Variants in CACNB4 observed in about 807,000 individuals in gnomAD.
The protein encoded by CACNB4 is voltage-dependent L-type calcium channel subunit beta-4.
CACNB4 carries 32 observed loss-of-function variants against 71.2 expected under a neutral mutation model. The observed-to-expected ratio is 0.45, with a 90% CI of 0.34 to 0.60. The LOEUF is 0.60. Ranked by LOEUF, CACNB4 falls within the 20% of genes least tolerant of loss-of-function variation. The probability of loss-of-function intolerance (pLI) is 0.01; values close to 1 mark genes in which losing one functional copy is unlikely to be tolerated. For missense variants in CACNB4, 464 were observed against 647.9 expected, an observed-to-expected ratio of 0.72 and a Z score of 3.08; for synonymous variants, 231 against 236.9, an observed-to-expected ratio of 0.97 and a Z score of 0.23.
At chr2:151,859,304 C>T (rs1435531617) in intron 10 of CACNB4, 1 of 152,198 alleles carries the variant, frequency 6.6e-6, no homozygotes, top group Non-Finnish European at 1.5e-5. Context: ...TCAGTGAATA[C>T]ACATGAAGCC....
chr2:152,014,383 C>A (rs879533728), intron 2 of CACNB4, among the ~76,000 whole-genome samples: 1 of 151,606 alleles, frequency 6.6e-6, no homozygotes, highest in Non-Finnish European at 1.5e-5. Context: ...TGGTCCAGTA[C>A]AGGCCTCTTT....
intron 8 of CACNB4, 40 bp from the exon 9 acceptor site, chr2:151,869,275 G>A (rs750632895): frequency 2.4e-6 from 3 of 1,224,890 alleles, no homozygotes. Context: ...GCAAACACAT[G>A]CAGAGAGAGA....
intron 2 of CACNB4, among the ~76,000 whole-genome samples, chr2:152,038,523 G>A (rs938168440): frequency 1.3e-5 from 2 of 152,198 alleles, no homozygotes; most frequent in African/African-American, 4.8e-5. Flanking sequence ...GCTGGGAGAT[G>A]GAAGAGGATA....
intron 2 of CACNB4, among the ~76,000 whole-genome samples, chr2:152,075,055 C>T (rs1486600343): frequency 7.2e-5 from 11 of 152,144 alleles, no homozygotes; most frequent in Admixed American, 7.2e-4. Flanking sequence ...TTATGGCCAC[C>T]ACCCTGCTTG....
intron 2 of CACNB4, among the ~76,000 whole-genome samples, chr2:152,062,297 G>A (rs1345802938): frequency 6.6e-6 from 1 of 152,036 alleles, no homozygotes; most frequent in Non-Finnish European, 1.5e-5. Flanking sequence ...AGCAAAGACT[G>A]TGAACATCCC....
In CACNB4 at chr2:152,098,564, GC is replaced by G; in HGVS notation, c.64-152del. The G allele has an allele frequency of 1.1e-6, 1 of 931,268 alleles. No homozygotes were observed. Among genetic ancestry groups the G allele is most frequent in the Non-Finnish European group, 1.7e-6 (1 of 583,194 alleles). 57.7% of individuals were successfully genotyped at this position (931,268 alleles called of 1,614,324 possible). On this transcript the variant is annotated intron_variant, in intron 1 of 13. Transcript: ENST00000539935. The surrounding 1 kb of genome is among the most constrained non-coding windows in gnomAD (Gnocchi z 5.3). Reference sequence around the variant, plus strand: ...GTCTCCTCCGCGACTCCCAAATACAGCCCCCACCCCCACCCACCCACTGCAA... The same window carrying G: ...GTCTCCTCCGCGACTCCCAAATACAGCCCCACCCCCACCCACCCACTGCAA...
At chr2:151,987,747 C>T (rs1681452654) in intron 2 of CACNB4, among the ~76,000 whole-genome samples, 1 of 152,162 alleles carries the variant, frequency 6.6e-6, no homozygotes, top group East Asian at 1.9e-4. Context: ...ATTACACATG[C>T]TGCTAACTCA....
chr2:152,085,621 C>T (rs566090556), intron 2 of CACNB4, among the ~76,000 whole-genome samples: 1 of 152,162 alleles, frequency 6.6e-6, no homozygotes, highest in South Asian at 2.1e-4. Context: ...TCAGCTTGTT[C>T]CCTTCTCAGC....
intron 2 of CACNB4, among the ~76,000 whole-genome samples, chr2:152,023,115 T>G (rs1579148159): frequency 1.2e-4 from 16 of 133,020 alleles, no homozygotes; most frequent in Middle Eastern, 3.7e-3. Flanking sequence ...CATGAGGGGG[T>G]GAGAGAAAGG....
intron 2 of CACNB4, among the ~76,000 whole-genome samples, chr2:151,986,012 A>G (rs116556562): frequency 1.3e-5 from 2 of 152,344 alleles, no homozygotes; most frequent in Non-Finnish European, 2.9e-5. Context: ...GAGACGACTG[A>G]GCTAAGACTA....
intron 2 of CACNB4, among the ~76,000 whole-genome samples, chr2:152,091,736 G>A (rs1174600615): frequency 1.3e-5 from 2 of 152,192 alleles, no homozygotes; most frequent in Non-Finnish European, 2.9e-5. Context: ...ATCTCAGAGG[G>A]CCACTGCCTG....
At chr2:151,981,706 C>T (rs1426702055) in intron 2 of CACNB4, among the ~76,000 whole-genome samples, 4 of 152,166 alleles carry the variant, frequency 2.6e-5, no homozygotes, top group African/African-American at 7.2e-5. Context: ...ATATACCCCT[C>T]TTTTGATGCA....
chr2:151,973,252 A>C (rs143593081), intron 2 of CACNB4: 110 of 160,430 alleles, frequency 6.9e-4, no homozygotes, highest in African/African-American at 2.4e-3. Context: ...CAGCTTAGGA[A>C]CTTCCATTCA....
At chr2:152,094,195 G>T (rs887735547) in intron 2 of CACNB4, among the ~76,000 whole-genome samples, 18 of 152,198 alleles carry the variant, frequency 1.2e-4, no homozygotes, top group African/African-American at 2.7e-4. Context: ...GACTTTATCA[G>T]GAAGGTTAGA....
rs746365832 is a variant in CACNB4 at position 151,855,212 on chromosome 2, G to A, written c.1020+12C>T. ...GCACTTCTAAACCTTAAGGCAGAAA[G>A]GAGCTAATTACCTTTGGAGATGAGA... is the stretch of plus-strand genomic sequence containing the variant. On this transcript the variant is annotated intron_variant, in intron 11 of 13. Coordinates refer to ENST00000539935, the MANE Select transcript of CACNB4 (RefSeq NM_000726.5). The A allele has an allele frequency of 4.0e-6, 6 of 1,516,258 alleles. No individual in the cohort carries two copies. The Admixed American group carries it at 5.3e-5, about 13-fold the overall frequency. 93.9% of individuals were successfully genotyped at this position (1,516,258 alleles called of 1,614,324 possible).
In CACNB4 at chr2:152,026,622, T is replaced by G. The variant is rs184781578; in HGVS notation, c.147+71708A>C. 8.7e-3 allele frequency among the ~76,000 whole-genome samples: 1,320 copies of G among 152,270 alleles called. 10 individuals are homozygous for G. Among genetic ancestry groups the G allele is most frequent in the Middle Eastern group, 0.027 (8 of 294 alleles). ...CTCGAACTCCTGACCTCAGGTGATC[T>G]GCCTGCCTCGGCCTCCCAAAGTGCT... On this transcript the variant is annotated intron_variant, in intron 2 of 13. Coordinates refer to ENST00000539935, the MANE Select transcript of CACNB4 (RefSeq NM_000726.5).
At chr2:152,084,044 G>A (rs975361944) in intron 2 of CACNB4, among the ~76,000 whole-genome samples, 1 of 152,206 alleles carries the variant, frequency 6.6e-6, no homozygotes, top group Non-Finnish European at 1.5e-5. Context: ...TGGCGTAACT[G>A]AGCCTAAAAG....
chr2:152,058,890 T>C (rs554951626), intron 2 of CACNB4, among the ~76,000 whole-genome samples: 74 of 152,334 alleles, frequency 4.9e-4, no homozygotes, highest in African/African-American at 1.6e-3. Context: ...CCCTGCTGTA[T>C]GTAGCCTCTT....
intron 2 of CACNB4, among the ~76,000 whole-genome samples, chr2:152,073,982 AT>A (rs1345187192): frequency 6.6e-6 from 1 of 152,166 alleles, no homozygotes; most frequent in East Asian, 1.9e-4. Flanking sequence ...ATCCAAAGCT[AT>A]TGTCCAGGGT....
Sources: gnomAD v4.1 joint callset for allele counts (sites outside exome capture counted in the v4.1 genomes callset) on GRCh38, gnomAD v4.1.1 for gene constraint, Gnocchi (gnomAD v3.1) non-coding constraint, MANE v1.5 for transcripts, NCBI Gene and HGNC (gene_info 2026-07-23, HGNC 2026-07-21) for gene names.